Variants in UBR3 observed in about 807,000 individuals in gnomAD.
The protein encoded by UBR3 is ubiquitin protein ligase E3 component n-recognin 3.
A neutral mutation model predicts 243.2 loss-of-function variants in UBR3; 85 were observed. The ratio of observed to expected loss-of-function variants is 0.35; its 90% confidence interval spans 0.29 to 0.42. The LOEUF is 0.42. UBR3 is among the 10% of genes least tolerant of loss of function. The pLI is 1.00. For synonymous variants in UBR3, 748 were observed against 799.8 expected (o/e 0.94, Z 1.09); for missense variants, 1,686 against 2,300.8 (o/e 0.73, Z 5.47).
At chr2:169,944,200 A>G (rs2086701936) in intron 20 of UBR3, among the ~76,000 whole-genome samples, 1 of 152,198 alleles carries the variant, frequency 6.6e-6, no homozygotes, top group Admixed American at 6.5e-5. Context: ...ATATACTTGT[A>G]GACATTATTT....
chr2:169,879,098 TAATA>T (rs2083724844), intron 5 of UBR3, among the ~76,000 whole-genome samples: 1 of 151,962 alleles, frequency 6.6e-6, no homozygotes, highest in Admixed American at 6.5e-5. Context: ...TGTTTATTAA[TAATA>T]AATAGGAAAA....
At chr2:169,857,738 A>C (rs955562185) in intron 1 of UBR3, among the ~76,000 whole-genome samples, 4 of 151,414 alleles carry the variant, frequency 2.6e-5, no homozygotes, top group Non-Finnish European at 2.9e-5. Context: ...AATTTAATCT[A>C]TTTTTATTTT....
chr2:169,850,797 T>C (rs1170511777), intron 1 of UBR3, among the ~76,000 whole-genome samples: 2 of 151,354 alleles, frequency 1.3e-5, no homozygotes, highest in Admixed American at 1.3e-4. Context: ...AGAGCTGAGA[T>C]TGCGCCACTC....
chr2:170,071,248 G>C (rs928680355), intron 35 of UBR3, among the ~76,000 whole-genome samples: 1 of 152,114 alleles, frequency 6.6e-6, no homozygotes, highest in Non-Finnish European at 1.5e-5. Flanking sequence ...GAAAACATAT[G>C]TCTACATTTA....
chr2:169,898,638 A>T (rs529626591), intron 8 of UBR3, among the ~76,000 whole-genome samples: 3 of 141,902 alleles, frequency 2.1e-5, no homozygotes, highest in South Asian at 2.2e-4. Flanking sequence ...AGCATAATAC[A>T]TTATTTACAT....
intron 10 of UBR3, among the ~76,000 whole-genome samples, chr2:169,912,949 T>A (rs1221525319): frequency 6.6e-6 from 1 of 152,126 alleles, no homozygotes; most frequent in Non-Finnish European, 1.5e-5. Context: ...CACTCTTGAC[T>A]AATTTTAAAA....
intron 32 of UBR3, among the ~76,000 whole-genome samples, chr2:170,044,354 C>G (rs1481776178): frequency 6.6e-6 from 1 of 152,046 alleles, no homozygotes; most frequent in Non-Finnish European, 1.5e-5. Flanking sequence ...AGCTATATAC[C>G]TCTTAAATCT....
At chr2:169,936,255 C>T (rs868854269) in intron 19 of UBR3, among the ~76,000 whole-genome samples, 26 of 152,058 alleles carry the variant, frequency 1.7e-4, no homozygotes, top group African/African-American at 5.8e-4. Context: ...GATGGGGTTT[C>T]TCCATGTTGG....
At chr2:169,865,143 T>G (rs1214978171) in intron 1 of UBR3, among the ~76,000 whole-genome samples, 2 of 152,096 alleles carry the variant, frequency 1.3e-5, no homozygotes, top group African/African-American at 4.8e-5. Flanking sequence ...TCAGCAAGTC[T>G]TTTTCTAAGA....
chr2:170,051,428 G>A (rs990635465), intron 32 of UBR3, among the ~76,000 whole-genome samples: 2 of 151,966 alleles, frequency 1.3e-5, no homozygotes, highest in East Asian at 1.9e-4. Context: ...CACTGCAAAC[G>A]CCATCTCTTG....
rs1424193788 is a variant in UBR3, at chr2:169,927,536, C to G, written c.2424+131C>G. ...AAAATAATATAGAAAAAGAAGAACA[C>G]CAGTTGTGTGCTCAAGTATGTATTC... On this transcript the variant is annotated intron_variant, in intron 17 of 38. Transcript: ENST00000272793. 7.8e-5 allele frequency: 54 copies of G among 692,200 alleles called. No individual in the cohort carries two copies. The East Asian group carries it at 1.6e-3, about 20-fold the overall frequency. 42.9% of individuals were successfully genotyped at this position (692,200 alleles called of 1,614,324 possible). A position where few individuals can be genotyped will look rare whatever the true frequency, so the allele number is the denominator to read the frequency against.
chr2:169,836,041 C>A (rs1394218961), intron 1 of UBR3, among the ~76,000 whole-genome samples: 1,052 of 8,190 alleles, frequency 0.13, 34 homozygotes, highest in Non-Finnish European at 0.15. Context: ...CTCTCTCTCT[C>A]TCTATATATA....
intron 35 of UBR3, among the ~76,000 whole-genome samples, chr2:170,072,718 G>A (rs2091726542): frequency 1.3e-5 from 2 of 152,102 alleles, no homozygotes; most frequent in African/African-American, 4.8e-5. Context: ...CTAGTGAGCT[G>A]GAATTTGGAG....
chr2:169,850,616 G>A (rs1432391192), intron 1 of UBR3, among the ~76,000 whole-genome samples: 9 of 152,280 alleles, frequency 5.9e-5, no homozygotes, highest in Admixed American at 3.3e-4. Flanking sequence ...AGGCCGAGGC[G>A]GGTGGATCAC....
intron 1 of UBR3, among the ~76,000 whole-genome samples, chr2:169,851,370 AC>A (rs1316341704): frequency 6.6e-6 from 1 of 152,166 alleles, no homozygotes; most frequent in African/African-American, 2.4e-5. Context: ...ATCAAGTGAT[AC>A]GCCTGCCTCA....
intron 1 of UBR3, among the ~76,000 whole-genome samples, chr2:169,849,448 A>G (rs1434251336): frequency 6.6e-6 from 1 of 152,072 alleles, no homozygotes; most frequent in East Asian, 1.9e-4. Flanking sequence ...TTTCCTCCAC[A>G]CACACCTGGC....
intron 25 of UBR3, among the ~76,000 whole-genome samples, chr2:169,991,104 A>T (rs952807171): frequency 7.2e-5 from 11 of 152,220 alleles, no homozygotes; most frequent in African/African-American, 2.4e-4. Flanking sequence ...AAGAATTGTT[A>T]CAAGAGACAA....
intron 5 of UBR3, among the ~76,000 whole-genome samples, chr2:169,882,398 A>G (rs1487696610): frequency 6.9e-6 from 1 of 144,080 alleles, no homozygotes; most frequent in Non-Finnish European, 1.5e-5. Context: ...AAATATATAT[A>G]TATAAAATAA....
At chr2:169,831,391 C>T (rs538503414) in intron 1 of UBR3, among the ~76,000 whole-genome samples, 1 of 150,726 alleles carries the variant, frequency 6.6e-6, no homozygotes, top group Admixed American at 6.6e-5. Context: ...CTTAGGTGAT[C>T]CACCCGCCTC....
Sources: allele counts gnomAD v4.1 joint callset (sites outside exome capture counted in the v4.1 genomes callset), GRCh38; gene constraint gnomAD v4.1.1; transcripts MANE v1.5; gene names NCBI Gene and HGNC (gene_info 2026-07-23, HGNC 2026-07-21).